The following SSBP2 variants were observed in gnomAD, a reference collection of about 807,000 sequenced individuals.
SSBP2 encodes single stranded DNA binding protein 2, also known as single-stranded DNA-binding protein 2.
Under a neutral mutation model 61.8 loss-of-function variants are expected in SSBP2, and 17 were observed. The observed-to-expected ratio is 0.28, with a 90% CI of 0.19 to 0.41. The LOEUF (loss-of-function observed/expected upper bound fraction) is 0.41. Among genes scored for constraint, SSBP2 ranks in the 10% least tolerant of loss-of-function variants. The pLI, the probability that SSBP2 is intolerant of heterozygous loss-of-function variation, is 1.00. For synonymous variants in SSBP2, 139 were observed against 141.3 expected (o/e 0.98, Z 0.12); for missense variants, 310 against 458.7 (o/e 0.68, Z 2.96).
At chr5:81,703,179 G>A (rs1262221566) in intron 1 of SSBP2, among the ~76,000 whole-genome samples, 2 of 152,114 alleles carry the variant, frequency 1.3e-5, no homozygotes, top group African/African-American at 4.8e-5. Context: ...TGTTTACATA[G>A]CCTTTTCTAA....
chr5:81,605,979 T>C (rs16876417), intron 4 of SSBP2, among the ~76,000 whole-genome samples: 5,620 of 152,172 alleles, frequency 0.037, 333 homozygotes, highest in African/African-American at 0.12. Context: ...ATCTGGGAAA[T>C]AGACCCAAAC....
rs891986655 is a variant in SSBP2 at position 81,588,220 on chromosome 5, G to A, written c.282+27253C>T. Among the ~76,000 whole-genome samples, 4 of 149,688 alleles carry A rather than the reference G, an allele frequency of 2.7e-5. No individual in the cohort carries two copies. In the East Asian group the frequency reaches 7.7e-4, roughly 29 times the overall value. On this transcript the variant is annotated intron_variant, in intron 4 of 16. Coordinates refer to ENST00000320672, the MANE Select transcript of SSBP2 (RefSeq NM_012446.5). The stretch of plus-strand genomic sequence containing the variant: ...GGCCTCCCAAAGTGCTGGGATTACA[G>A]GCATGAGCCACCATGCCTGGCTGAA...
At chr5:81,458,370 G>A (rs1764310471) in intron 10 of SSBP2, among the ~76,000 whole-genome samples, 2 of 152,164 alleles carry the variant, frequency 1.3e-5, no homozygotes, top group Admixed American at 6.5e-5. Flanking sequence ...ATACATGCAA[G>A]TATTTAGGGA....
intron 4 of SSBP2, among the ~76,000 whole-genome samples, chr5:81,526,311 G>A (rs1014880882): frequency 6.6e-6 from 1 of 151,986 alleles, no homozygotes; most frequent in Non-Finnish European, 1.5e-5. Context: ...ATTTTATCTA[G>A]AACAAATTGT....
At chr5:81,440,222 C>A (rs1762943663) in intron 14 of SSBP2, among the ~76,000 whole-genome samples, 1 of 149,000 alleles carries the variant, frequency 6.7e-6, no homozygotes, top group East Asian at 2.0e-4. Context: ...ACAACAACAA[C>A]AAACAGCTGC....
At chr5:81,720,774 G>A (rs1755494199) in intron 1 of SSBP2, among the ~76,000 whole-genome samples, 1 of 152,164 alleles carries the variant, frequency 6.6e-6, no homozygotes, top group Non-Finnish European at 1.5e-5. Flanking sequence ...CGGAACAGTA[G>A]ATATTTAAGC....
chr5:81,710,909 T>C (rs191597620), intron 1 of SSBP2: 84 of 273,682 alleles, frequency 3.1e-4, no homozygotes, highest in African/African-American at 1.9e-3. Flanking sequence ...TTCCAAGATT[T>C]GTTAATATAA....
intron 4 of SSBP2, among the ~76,000 whole-genome samples, chr5:81,594,138 T>C (rs1581121101): frequency 1.3e-5 from 2 of 152,118 alleles, no homozygotes; most frequent in Admixed American, 6.5e-5. Flanking sequence ...AATAAAGGGA[T>C]AGAAGAAGAT....
At chr5:81,645,924 A>G (rs1169426827) in intron 2 of SSBP2, among the ~76,000 whole-genome samples, 1 of 152,138 alleles carries the variant, frequency 6.6e-6, no homozygotes, top group Non-Finnish European at 1.5e-5. Flanking sequence ...TTTTATTTCT[A>G]TTGTTAGTCC....
chr5:81,724,836 G>A (rs747639862), intron 1 of SSBP2, among the ~76,000 whole-genome samples: 2 of 152,000 alleles, frequency 1.3e-5, no homozygotes, highest in African/African-American at 4.8e-5. Context: ...ACGCAGCTAC[G>A]ATGGACAGAA....
intron 4 of SSBP2, among the ~76,000 whole-genome samples, chr5:81,583,379 C>T (rs567260471): frequency 1.4e-4 from 21 of 152,076 alleles, no homozygotes; most frequent in Non-Finnish European, 2.6e-4. Flanking sequence ...CTTGTAATCC[C>T]AGCACTTTGG....
chr5:81,563,819 G>A (rs1369985681), intron 4 of SSBP2, among the ~76,000 whole-genome samples: 5 of 152,144 alleles, frequency 3.3e-5, no homozygotes, highest in African/African-American at 1.2e-4. Flanking sequence ...AAAGCTTCGT[G>A]ACATTGGTTA....
chr5:81,557,841 A>G (rs1449397695), intron 4 of SSBP2, among the ~76,000 whole-genome samples: 1 of 152,090 alleles, frequency 6.6e-6, no homozygotes. Context: ...TCTCCTCATT[A>G]TGGATCATAT....
At chr5:81,494,083 T>C (rs887108132) in intron 5 of SSBP2, among the ~76,000 whole-genome samples, 5 of 152,136 alleles carry the variant, frequency 3.3e-5, no homozygotes, top group South Asian at 2.1e-4. Flanking sequence ...CTGAGACAAA[T>C]AGAATGTTCT....
intron 3 of SSBP2, among the ~76,000 whole-genome samples, chr5:81,626,464 A>G (rs953171394): frequency 2.0e-5 from 3 of 152,216 alleles, no homozygotes; most frequent in African/African-American, 7.2e-5. Flanking sequence ...CCTTTTAATT[A>G]TTACGTTATT....
intron 1 of SSBP2, among the ~76,000 whole-genome samples, chr5:81,735,035 C>G (rs1288115825): frequency 6.6e-6 from 1 of 151,190 alleles, no homozygotes; most frequent in Non-Finnish European, 1.5e-5. Context: ...CTCCTCACTG[C>G]CGATTTTAAA....
At chr5:81,650,499 T>C (rs778291178) in intron 1 of SSBP2, among the ~76,000 whole-genome samples, 160 bp from the exon 2 acceptor site, 10 of 152,090 alleles carry the variant, frequency 6.6e-5, no homozygotes, top group Non-Finnish European at 1.5e-4. Flanking sequence ...AATACATGTA[T>C]GTTCAGAAAG....
chr5:81,540,147 G>C, intron 4 of SSBP2, among the ~76,000 whole-genome samples: 1 of 152,116 alleles, frequency 6.6e-6, no homozygotes, highest in East Asian at 1.9e-4. Flanking sequence ...TATCATTGAT[G>C]GGCATTTGGG....
intron 1 of SSBP2, among the ~76,000 whole-genome samples, chr5:81,714,560 ATGT>A (rs1561721115): frequency 6.6e-6 from 1 of 152,064 alleles, no homozygotes; most frequent in African/African-American, 2.4e-5. Flanking sequence ...CCTCTCCAGC[ATGT>A]TGTTTCCTGA....
Sources: gnomAD v4.1 joint callset for allele counts (sites outside exome capture counted in the v4.1 genomes callset) on GRCh38, gnomAD v4.1.1 for gene constraint, MANE v1.5 for transcripts, NCBI Gene and HGNC (gene_info 2026-07-23, HGNC 2026-07-21) for gene names.